The following PCCB variants were observed in gnomAD, a reference collection of about 807,000 sequenced individuals.
PCCB encodes the protein propionyl-CoA carboxylase subunit beta.
In PCCB, 43 loss-of-function variants were observed where a neutral mutation model predicts 60.7. The ratio of observed to expected loss-of-function variants is 0.71; its 90% CI spans 0.55 to 0.91. The LOEUF is 0.91. Among genes scored for constraint, PCCB ranks in the 40% least tolerant of loss-of-function variants. The pLI is 0.00. For missense variants in PCCB, 766 were observed against 702.8 expected (o/e 1.09, Z -1.02); for synonymous variants, 276 against 255.9 (o/e 1.08, Z -0.75).
chr3:136,297,898 A>C, intron 7 of PCCB, 54 bp from the exon 8 acceptor site: 1 of 1,612,464 alleles, frequency 6.2e-7, no homozygotes, highest in African/African-American at 1.3e-5. Flanking sequence ...TGAAGCAGCA[A>C]CTTTGGGCTG....
At chr3:136,258,233 T>C (rs977765498) in intron 3 of PCCB, among the ~76,000 whole-genome samples, 30 of 152,214 alleles carry the variant, frequency 2.0e-4, no homozygotes, top group African/African-American at 7.2e-4. Context: ...CCACCTCTTA[T>C]GCTCATGTGG....
intron 1 of PCCB, among the ~76,000 whole-genome samples, chr3:136,252,662 ATTTT>A (rs962722858): frequency 8.3e-6 from 1 of 120,904 alleles, no homozygotes. Context: ...TACCCAGCTA[ATTTT>A]TTTTTTTTTT....
chr3:136,252,357 C>T (rs900393158), intron 1 of PCCB: 2 of 455,266 alleles, frequency 4.4e-6, no homozygotes, highest in Admixed American at 2.4e-5. Flanking sequence ...AGCAATTCTC[C>T]TGCCTCAGCC....
intron 10 of PCCB, among the ~76,000 whole-genome samples, chr3:136,324,556 C>T (rs979272816): frequency 5.3e-5 from 8 of 152,158 alleles, no homozygotes; most frequent in East Asian, 1.9e-4. Flanking sequence ...TCCCTATTCA[C>T]GGGTGCTTTT....
intron 10 of PCCB, among the ~76,000 whole-genome samples, chr3:136,317,499 G>T (rs1489271087): frequency 1.3e-5 from 2 of 151,880 alleles, no homozygotes; most frequent in Non-Finnish European, 2.9e-5. Context: ...AAAGCGCTGG[G>T]ATTACAGACA....
At chr3:136,263,573 T>G (rs949203710) in intron 5 of PCCB, among the ~76,000 whole-genome samples, 2 of 152,080 alleles carry the variant, frequency 1.3e-5, no homozygotes, top group Non-Finnish European at 2.9e-5. Context: ...CGCCTGGCTT[T>G]TAATTTTTGT....
At chr3:136,279,772 A>C (rs1942425838) in intron 5 of PCCB, among the ~76,000 whole-genome samples, 2 of 151,948 alleles carry the variant, frequency 1.3e-5, no homozygotes, top group Non-Finnish European at 2.9e-5. Flanking sequence ...GGTTCACGCC[A>C]TTCTCCTGCC....
rs557318694 is a variant in PCCB, at chr3:136,253,644, C to G, written c.184-2212C>G. Among the ~76,000 whole-genome samples, 4 of 151,404 alleles carry G rather than the reference C, an allele frequency of 2.6e-5. No individual in the cohort carries two copies. The South Asian group carries it at 8.4e-4, about 32-fold the overall frequency. On this transcript the variant is annotated intron_variant, in intron 1 of 14. Coordinates refer to ENST00000251654, the MANE Select transcript of PCCB (RefSeq NM_000532.5). ...AGGTGATCCTCCCATCTCGGCCTCC[C>G]AAAGTGCTGGGATGACAGAATTTTT...
intron 5 of PCCB, among the ~76,000 whole-genome samples, chr3:136,264,287 A>G (rs1941909085): frequency 1.3e-5 from 2 of 151,944 alleles, no homozygotes; most frequent in African/African-American, 4.8e-5. Flanking sequence ...AATAAAAATC[A>G]GGAAATTTAA....
intron 3 of PCCB, among the ~76,000 whole-genome samples, chr3:136,257,094 A>G (rs934187287): frequency 2.6e-5 from 4 of 152,230 alleles, no homozygotes; most frequent in East Asian, 1.9e-4. Context: ...GTTCACACAC[A>G]TAGCCAAAGC....
chr3:136,284,026 C>T (rs1933228391), intron 6 of PCCB, 79 bp downstream of exon 6: 1 of 897,198 alleles, frequency 1.1e-6, no homozygotes. Flanking sequence ...ATTCCTGACC[C>T]AGATCTAGGT....
chr3:136,260,941 A>G (rs1026597555), intron 4 of PCCB, among the ~76,000 whole-genome samples: 3 of 152,256 alleles, frequency 2.0e-5, no homozygotes, highest in Admixed American at 1.3e-4. Flanking sequence ...ACGTAAAAAT[A>G]TCTGTGGCTT....
At chr3:136,290,619 T>C (rs1933633232) in intron 6 of PCCB, among the ~76,000 whole-genome samples, 1 of 144,840 alleles carries the variant, frequency 6.9e-6, no homozygotes. Flanking sequence ...CTCAGCCTCA[T>C]GAGTGGCTGG....
intron 2 of PCCB, chr3:136,256,300 C>T (rs887577110): frequency 1.7e-6 from 1 of 576,146 alleles, no homozygotes. Flanking sequence ...GGCCCTGGGT[C>T]TTGATTGTTT....
intron 14 of PCCB, among the ~76,000 whole-genome samples, chr3:136,329,341 G>T (rs368806713): frequency 6.6e-6 from 1 of 152,122 alleles, no homozygotes; most frequent in Non-Finnish European, 1.5e-5. Flanking sequence ...CACTCCCCAC[G>T]TGGCCTCTCA....
intron 1 of PCCB, among the ~76,000 whole-genome samples, chr3:136,252,083 T>C (rs900445630): frequency 6.6e-6 from 1 of 151,966 alleles, no homozygotes. Context: ...GGTTTCACCA[T>C]GTTGGCCAGG....
chr3:136,252,366 C>T (rs1256871149), intron 1 of PCCB: 5 of 454,966 alleles, frequency 1.1e-5, no homozygotes, highest in Admixed American at 2.4e-5. Context: ...CCTGCCTCAG[C>T]CTCCAGAGTA....
rs189479766 is a variant in PCCB, at chr3:136,320,564, G to A, written c.1090+3500G>A. On this transcript the variant is annotated intron_variant, in intron 10 of 14. Transcript: ENST00000251654. The stretch of plus-strand genomic sequence containing the variant: ...GATCTTGTAACTTGCAACTTTGCTG[G>A]GTTTATTAACTTTGTTAGCTTTTGT... Among the ~76,000 whole-genome samples, 49 of 152,098 alleles carry A rather than the reference G, an allele frequency of 3.2e-4. No homozygotes were observed. In the East Asian group the frequency reaches 9.3e-3, roughly 29 times the overall value.
At chr3:136,292,195 T>C (rs969227768) in intron 6 of PCCB, among the ~76,000 whole-genome samples, 1 of 152,102 alleles carries the variant, frequency 6.6e-6, no homozygotes, top group Non-Finnish European at 1.5e-5. Context: ...ACTTTTAGCT[T>C]CTTATGTGCT....
Sources: gnomAD v4.1 joint callset for allele counts (sites outside exome capture counted in the v4.1 genomes callset) on GRCh38, gnomAD v4.1.1 for gene constraint, MANE v1.5 for transcripts, NCBI Gene and HGNC (gene_info 2026-07-23, HGNC 2026-07-21) for gene names.